Variants in TCHP observed in about 807,000 individuals in gnomAD.
TCHP encodes trichoplein keratin filament binding, also known as trichoplein keratin filament-binding protein.
A neutral mutation model predicts 88.7 loss-of-function variants in TCHP; 81 were observed. The observed-to-expected ratio is 0.91, with a 90% CI of 0.76 to 1.10. The LOEUF is 1.10. Ranked by LOEUF, TCHP falls within the 50% of genes least tolerant of loss-of-function variation. TCHP has a pLI of 0.00. For synonymous variants in TCHP, 232 were observed against 232.5 expected (o/e 1.00, Z 0.02); for missense variants, 641 against 632.1 (o/e 1.01, Z -0.15).
upstream of TCHP, among the ~76,000 whole-genome samples, chr12:109,895,784 C>A (rs1869544237): frequency 6.6e-6 from 1 of 152,116 alleles, no homozygotes; most frequent in Non-Finnish European, 1.5e-5. Flanking sequence ...TCTCCCTGTT[C>A]TTGTTTTCTT....
chr12:109,908,808 A>G lies in TCHP; in HGVS notation c.813-63A>G, dbSNP rs151324095. ...AAAGGAGACAGCCTGGTCAGCAGTT[A>G]TCTAACTTCTATTTAATTCTTTCTG... is the stretch of plus-strand genomic sequence containing the variant. On this transcript the variant is annotated intron_variant, in intron 7 of 12. Coordinates refer to ENST00000405876, the MANE Select transcript of TCHP (RefSeq NM_001143852.2). 1,129 of 1,592,560 alleles carry G rather than the reference A, an allele frequency of 7.1e-4. 17 individuals are homozygous for G. In the East Asian group the frequency reaches 0.021, roughly 30 times the overall value.
chr12:109,904,669 G>A (rs1870020860), intron 3 of TCHP, 68 bp from the exon 4 acceptor site: 2 of 1,476,860 alleles, frequency 1.4e-6, no homozygotes, highest in Admixed American at 3.5e-5. Flanking sequence ...CTTCCACTGT[G>A]TGTCATCCAA....
chr12:109,888,461 T>G, the TCHP span: 7 of 152,212 alleles, frequency 4.6e-5, no homozygotes, highest in Non-Finnish European at 8.8e-5. Context: ...CAACTCAGTG[T>G]GGGTGAGGTG....
At chr12:109,911,611 C>CAAAAAAA (rs1209414114) in intron 9 of TCHP, among the ~76,000 whole-genome samples, 2 of 45,506 alleles carry the variant, frequency 4.4e-5, no homozygotes, top group African/African-American at 8.1e-5. Flanking sequence ...GACTCTGTCT[C>CAAAAAAA]AAAAAAAAAA....
chr12:109,882,734 T>C, the TCHP span, among the ~76,000 whole-genome samples: 1 of 142,858 alleles, frequency 7.0e-6, no homozygotes, highest in Non-Finnish European at 1.5e-5. Context: ...CTCGGCTCAC[T>C]GCAACCTCCG....
At position 109,906,489 on chromosome 12, in the gene TCHP, G is replaced by C. The variant is rs912965151; in HGVS notation, c.457-83G>C. 4 of 1,341,756 alleles carry C rather than the reference G, an allele frequency of 3.0e-6. No homozygotes were observed. The African/African-American group carries it at 5.8e-5, about 19-fold the overall frequency. 83.1% of individuals were successfully genotyped at this position (1,341,756 alleles called of 1,614,324 possible). On this transcript the variant is annotated intron_variant, in intron 4 of 12. Transcript: ENST00000405876. ...AAGTCATGGCCACGTTCCCGCAGGT[G>C]GCACAGAGGGCAGGAGCACACTGTC...
chr12:109,891,925 G>T, the TCHP span, among the ~76,000 whole-genome samples: 6 of 152,062 alleles, frequency 3.9e-5, no homozygotes, highest in African/African-American at 7.2e-5. Context: ...GGCCAAGCTG[G>T]TTACCAACTC....
In TCHP at chr12:109,903,360, A is replaced by G. The variant is rs1210581916; in HGVS notation, c.188+146A>G. 1.1e-5 allele frequency: 8 copies of G among 738,200 alleles called. No homozygotes were observed. Among genetic ancestry groups the G allele is most frequent in the Non-Finnish European group, 1.7e-5 (8 of 460,500 alleles). The allele number at this position is 738,200 out of a possible 1,614,324, so 45.7% of individuals were successfully genotyped here. On this transcript the variant is annotated intron_variant, in intron 2 of 12. Transcript: ENST00000405876. The surrounding 1 kb of genome is among the most constrained non-coding windows in gnomAD (Gnocchi z 4.6). ...ATGTTTTTCCAGCTGGAAATGGAAA[A>G]AAAGATCATCAGTGCAGCCATACAT...
chr12:109,912,936 C>A, intron 9 of TCHP, 55 bp from the exon 10 acceptor site: 1 of 1,506,286 alleles, frequency 6.6e-7, no homozygotes, highest in South Asian at 1.1e-5. Context: ...TTCCGTAGCT[C>A]GCTTCCTGCC....
chr12:109,889,613 C>A, the TCHP span, among the ~76,000 whole-genome samples: 2 of 152,154 alleles, frequency 1.3e-5, no homozygotes, highest in African/African-American at 4.8e-5. Flanking sequence ...TCTGTTGTTT[C>A]ATCTGTAAAG....
At chr12:109,890,244 A>C in the TCHP span, among the ~76,000 whole-genome samples, 1 of 151,772 alleles carries the variant, frequency 6.6e-6, no homozygotes, top group African/African-American at 2.4e-5. Context: ...ATTATCATTA[A>C]ATTGAAGAAA....
the TCHP span, among the ~76,000 whole-genome samples, chr12:109,884,487 C>T: frequency 2.0e-5 from 3 of 152,044 alleles, no homozygotes; most frequent in South Asian, 2.1e-4. Context: ...TGCACCCGGC[C>T]GAATCCATCT....
At chr12:109,902,178 G>T (rs1411428788) in intron 1 of TCHP, among the ~76,000 whole-genome samples, 1 of 152,052 alleles carries the variant, frequency 6.6e-6, no homozygotes, top group Non-Finnish European at 1.5e-5. Context: ...AATTTTTTAT[G>T]TTTTTGTTTT....
rs1337324924 is a variant in TCHP at position 109,905,479 on chromosome 12, G to A, written c.456+686G>A. Among the ~76,000 whole-genome samples, 1 of 152,216 alleles carries A rather than the reference G, an allele frequency of 6.6e-6. No individual in the cohort carries two copies. The highest frequency in any genetic ancestry group is 1.5e-5 in the Non-Finnish European group (1 of 68,036). ...CTCCTCTGGTAGCAATGTGCCCGCC[G>A]ACAGGGAGGGGTGCTGCGACAGCCC... On this transcript the variant is annotated intron_variant, in intron 4 of 12. Coordinates refer to ENST00000405876, the MANE Select transcript of TCHP (RefSeq NM_001143852.2). The surrounding 1 kb of genome is among the most constrained non-coding windows in gnomAD (Gnocchi z 4.0).
chr12:109,913,997 G>A (rs1870654846), intron 10 of TCHP, among the ~76,000 whole-genome samples: 1 of 152,168 alleles, frequency 6.6e-6, no homozygotes, highest in African/African-American at 2.4e-5. Flanking sequence ...CTGGGGCCAG[G>A]TCTCAAACAC....
the TCHP span, among the ~76,000 whole-genome samples, chr12:109,880,935 G>A: frequency 3.9e-5 from 6 of 152,188 alleles, no homozygotes; most frequent in African/African-American, 1.4e-4. This position sits in a 1 kb window ranked among gnomAD's most constrained non-coding sequence, Gnocchi z 5.1. Context: ...TCTCCTGTTG[G>A]TCACGGTTCT....
the TCHP span, among the ~76,000 whole-genome samples, chr12:109,893,170 A>T: frequency 6.6e-6 from 1 of 152,128 alleles, no homozygotes; most frequent in Non-Finnish European, 1.5e-5. Flanking sequence ...ACCTGAGGTC[A>T]GGAGTTCAAG....
chr12:109,898,054 C>T (rs1053925584), upstream of TCHP, among the ~76,000 whole-genome samples: 15 of 152,230 alleles, frequency 9.9e-5, no homozygotes, highest in East Asian at 1.9e-3. Context: ...CTCTTATGCA[C>T]GCAGTGGGAC....
Position 109,903,862 on chromosome 12 carries a change from T to A in TCHP, c.189-75T>A, listed in dbSNP as rs1042503261. On this transcript the variant is annotated intron_variant, in intron 2 of 12. Transcript: ENST00000405876. This position sits in a 1 kb window ranked among gnomAD's most constrained non-coding sequence, Gnocchi z 4.6. ...ATGACACATCTACCTCAGCCTCTTT[T>A]ACCGACACAGCAGAGCAGAGCACGT... The A allele has an allele frequency of 3.9e-6, 5 of 1,266,034 alleles. No individual in the cohort carries two copies. The highest frequency in any genetic ancestry group is 3.9e-5 in the South Asian group (3 of 77,686). The allele number at this position is 1,266,034 out of a possible 1,614,324, so 78.4% of individuals were successfully genotyped here. A position where few individuals can be genotyped will look rare whatever the true frequency, so the allele number is the denominator to read the frequency against.
Sources: gnomAD v4.1 joint callset for allele counts (sites outside exome capture counted in the v4.1 genomes callset) on GRCh38, gnomAD v4.1.1 for gene constraint, Gnocchi (gnomAD v3.1) non-coding constraint, MANE v1.5 for transcripts, NCBI Gene and HGNC (gene_info 2026-07-23, HGNC 2026-07-21) for gene names.